Variants in KRTAP13-4 observed in about 807,000 individuals in gnomAD.
KRTAP13-4 encodes keratin associated protein 13-4.
For synonymous variants in KRTAP13-4, 80 were observed against 77.2 expected (o/e 1.04, Z -0.19); for missense variants, 198 against 189.6 (o/e 1.04, Z -0.26).
chr21:30,430,943 G>A (rs943407116), exon 1 of KRTAP13-4: 14 of 578,784 alleles, frequency 2.4e-5, no homozygotes, highest in Middle Eastern at 4.8e-4. Context: ...ACCATTGATC[G>A]AATATATGCT....
rs73899382 is a variant in KRTAP13-4 at position 30,430,303 on chromosome 21, T to A, written c.28T>A (p.Phe10Ile). The A allele has an allele frequency of 1.2e-3, 1,930 of 1,612,138 alleles. 29 individuals are homozygous for A. In the African/African-American group the frequency reaches 0.023, roughly 19 times the overall value. The change falls in exon 1 of 1, where the codon TTC (phenylalanine) becomes ATC (isoleucine). Residue 10 changes from phenylalanine to isoleucine, a missense_variant. Physicochemically the swap from Phe to Ile is conservative, Grantham distance 21. Transcript: ENST00000334068. ...GTCCTACAACTGCTGCTCTAGAAAC[T>A]TCTCCTCCCGCTCCTTTGGGGGCTA...
chr21:30,430,802 A>C, exon 1 of KRTAP13-4: 1 of 1,535,992 alleles, frequency 6.5e-7, no homozygotes, highest in Non-Finnish European at 8.8e-7. Context: ...TCTCTACTGA[A>C]TGCAGCCATT....
exon 1 of KRTAP13-4, chr21:30,430,547 G>T (rs765311397): frequency 6.2e-7 from 1 of 1,614,218 alleles, no homozygotes; most frequent in South Asian, 1.1e-5. Context: ...CGGTCCAGCA[G>T]CTGTCGCTCC....
chr21:30,430,494 C>T, exon 1 of KRTAP13-4: 1 of 1,614,252 alleles, frequency 6.2e-7, no homozygotes, highest in South Asian at 1.1e-5. Flanking sequence ...CCTCCATCCT[C>T]TGCTGTCCCT....
At chr21:30,431,016 T>C in exon 1 of KRTAP13-4, 3 of 350,368 alleles carry the variant, frequency 8.6e-6, no homozygotes, top group African/African-American at 2.1e-5. Context: ...GTATGTAATC[T>C]GGTACCCAAA....
exon 1 of KRTAP13-4, chr21:30,430,856 C>T (rs1984445562): frequency 1.4e-6 from 2 of 1,430,072 alleles, no homozygotes; most frequent in South Asian, 2.8e-5. Flanking sequence ...ATTCTTCCAC[C>T]ACCAGCTTCT....
At chr21:30,430,573 A>G in exon 1 of KRTAP13-4, 1 of 1,614,168 alleles carries the variant, frequency 6.2e-7, no homozygotes, top group Non-Finnish European at 8.5e-7. Flanking sequence ...CTATGGATCT[A>G]GGTGCTGCTA....
chr21:30,430,543 A>T (rs1480860520), exon 1 of KRTAP13-4: 1 of 1,614,206 alleles, frequency 6.2e-7, no homozygotes. Flanking sequence ...CTTTCGGTCC[A>T]GCAGCTGTCG....
At chr21:30,430,464 A>G (rs764849327) in exon 1 of KRTAP13-4, 2 of 1,613,888 alleles carry the variant, frequency 1.2e-6, no homozygotes, top group Admixed American at 3.3e-5. Context: ...GCTGCCAGAA[A>G]TCCTGCTACC....
At chr21:30,430,657 G>T in the KRTAP13-4 span, 1 of 1,614,104 alleles carries the variant, frequency 6.2e-7, no homozygotes, top group Non-Finnish European at 8.5e-7. Context: ...CCTGAGTTAC[G>T]GATCCAGATT....
chr21:30,430,391 G>A, exon 1 of KRTAP13-4: 1 of 1,614,146 alleles, frequency 6.2e-7, no homozygotes, highest in Non-Finnish European at 8.5e-7. Flanking sequence ...TGCTCTCCCA[G>A]CACCTGCCAG....
exon 1 of KRTAP13-4, chr21:30,430,877 A>G: frequency 8.5e-7 from 1 of 1,180,790 alleles, no homozygotes. Flanking sequence ...TGCATGACCA[A>G]CTTCTGGCAG....
exon 1 of KRTAP13-4, chr21:30,430,511 C>T (rs756080347): frequency 1.7e-5 from 28 of 1,614,098 alleles, no homozygotes; most frequent in South Asian, 7.7e-5. Context: ...CCCTGTCAGA[C>T]GACTTGCTCT....
Position 30,430,252 on chromosome 21 carries a change from G to A in KRTAP13-4, c.-24G>A, listed in dbSNP as rs144901497. 3,908 of 1,571,050 alleles carry A rather than the reference G, an allele frequency of 2.5e-3. 7 individuals carry two copies. Among genetic ancestry groups the A allele is most frequent in the Non-Finnish European group, 3.1e-3 (3,603 of 1,156,426 alleles). Reference sequence around the variant, plus strand: ...CTCAGAATCTTCTTAGGTACACTCAGCTGAACTCCCATCTCTCATCAGCAT... The same window carrying A: ...CTCAGAATCTTCTTAGGTACACTCAACTGAACTCCCATCTCTCATCAGCAT... On this transcript the variant is annotated 5_prime_UTR_variant, in exon 1 of 1. Coordinates refer to ENST00000334068, the Ensembl canonical transcript of KRTAP13-4.
rs769379365 is a variant in KRTAP13-4, at chr21:30,430,586, C to T, written c.311C>T (p.Ser104Leu). Residue 104 changes from serine (S) to leucine (L), a missense_variant, in exon 1 of 1, where the codon TCG (serine) becomes TTG (leucine). Ser to Leu is a moderately radical substitution (Grantham distance 145). Coordinates refer to ENST00000334068, the Ensembl canonical transcript of KRTAP13-4. ...GGCTATGGATCTAGGTGCTGCTACT[C>T]GCTGGGAAATGGATCCAGTGGCTTC... is the stretch of plus-strand genomic sequence containing the variant. The T allele has an allele frequency of 3.7e-6, 6 of 1,614,052 alleles. No individual in the cohort carries two copies. The Admixed American group carries it at 8.3e-5, about 22-fold the overall frequency.
rs182955280 is a variant in KRTAP13-4, at chr21:30,430,786, T to G, written c.*28T>G. The G allele has an allele frequency of 3.5e-4, 543 of 1,571,802 alleles. 4 individuals carry two copies. In the African/African-American group the frequency reaches 6.0e-3, roughly 17 times the overall value. ...TTCTAGATCCTTTTGAGTATTGGGATCAAAGTCTCTACTGAATGCAGCCAT... is the reference window on the plus strand; with the variant it reads ...TTCTAGATCCTTTTGAGTATTGGGAGCAAAGTCTCTACTGAATGCAGCCAT... On this transcript the variant is annotated 3_prime_UTR_variant, in exon 1 of 1. Coordinates refer to ENST00000334068, the Ensembl canonical transcript of KRTAP13-4.
chr21:30,430,233 A>G, exon 1 of KRTAP13-4: 1 of 1,518,696 alleles, frequency 6.6e-7, no homozygotes. Context: ...AAAACTCAGA[A>G]TCTTCTTAGG....
exon 1 of KRTAP13-4, chr21:30,430,332 G>A (rs1984416217): frequency 1.2e-6 from 2 of 1,613,718 alleles, no homozygotes; most frequent in African/African-American, 2.7e-5. Context: ...GGGGCTACCT[G>A]TACTACCCAG....
exon 1 of KRTAP13-4, chr21:30,430,255 G>A: frequency 6.3e-7 from 1 of 1,575,022 alleles, no homozygotes; most frequent in South Asian, 1.2e-5. Flanking sequence ...ACACTCAGCT[G>A]AACTCCCATC....
Sources: allele counts gnomAD v4.1 joint callset, GRCh38; gene constraint gnomAD v4.1.1; transcripts MANE v1.5; gene names NCBI Gene and HGNC (gene_info 2026-07-23, HGNC 2026-07-21).